The following KCNAB1 variants were observed in gnomAD, a reference collection of about 807,000 sequenced individuals.
KCNAB1 encodes the protein potassium voltage-gated channel subfamily A regulatory beta subunit 1, also known as voltage-gated potassium channel subunit beta-1.
In KCNAB1, 35 loss-of-function variants were observed where a neutral mutation model predicts 64.6. The ratio of observed to expected loss-of-function variants is 0.54; its 90% CI spans 0.41 to 0.72. The LOEUF is 0.72. Ranked by LOEUF, KCNAB1 falls within the 30% of genes least tolerant of loss-of-function variation. The probability of loss-of-function intolerance (pLI) is 0.00; values close to 1 mark genes in which losing one functional copy is unlikely to be tolerated. For synonymous variants in KCNAB1, 177 were observed against 183.8 expected (o/e 0.96, Z 0.30); for missense variants, 401 against 512.9 (o/e 0.78, Z 2.11).
At chr3:156,473,262 C>T (rs1018672108) in intron 7 of KCNAB1, among the ~76,000 whole-genome samples, 1 of 152,184 alleles carries the variant, frequency 6.6e-6, no homozygotes, top group East Asian at 1.9e-4. Context: ...AGGCCCACTG[C>T]AGACTAGAGA....
intron 11 of KCNAB1, among the ~76,000 whole-genome samples, chr3:156,517,141 C>G (rs559662158): frequency 1.3e-5 from 2 of 152,156 alleles, no homozygotes; most frequent in Non-Finnish European, 2.9e-5. Context: ...TCAGATAAAC[C>G]GGAGTCCTTC....
At chr3:156,170,518 T>A (rs1191140863) in intron 1 of KCNAB1, among the ~76,000 whole-genome samples, 1 of 152,174 alleles carries the variant, frequency 6.6e-6, no homozygotes, top group East Asian at 1.9e-4. Flanking sequence ...TGGGTTTTGG[T>A]GTGATAGATA....
intron 12 of KCNAB1, among the ~76,000 whole-genome samples, chr3:156,529,265 T>C (rs964630950): frequency 3.3e-5 from 5 of 152,174 alleles, no homozygotes; most frequent in Non-Finnish European, 5.9e-5. Context: ...TCCATTTAGA[T>C]GAAATGTCCA....
rs548517412 is a variant in KCNAB1 at position 156,316,423 on chromosome 3, A to G, written c.276-105193A>G. ...TCTAAGATCAAATCTTGACTCTAGCATTTACCAGCTGTGCAATCTTGGATG... is the reference window on the plus strand; with the variant it reads ...TCTAAGATCAAATCTTGACTCTAGCGTTTACCAGCTGTGCAATCTTGGATG... On this transcript the variant is annotated intron_variant, in intron 1 of 13. Coordinates refer to ENST00000490337, the MANE Select transcript of KCNAB1 (RefSeq NM_172160.3). Among the ~76,000 whole-genome samples, 206 of 152,354 alleles carry G rather than the reference A, an allele frequency of 1.4e-3. 2 individuals are homozygous for G. Among genetic ancestry groups the G allele is most frequent in the Non-Finnish European group, 1.3e-4 (9 of 68,036 alleles).
At chr3:156,500,993 C>T (rs1005259192) in intron 8 of KCNAB1, among the ~76,000 whole-genome samples, 1 of 152,204 alleles carries the variant, frequency 6.6e-6, no homozygotes, top group African/African-American at 2.4e-5. Flanking sequence ...ATAAGATAGC[C>T]TTCTAACCAG....
At position 156,351,943 on chromosome 3, in the gene KCNAB1, C is replaced by A. The variant is rs187719177; in HGVS notation, c.276-69673C>A. On this transcript the variant is annotated intron_variant, in intron 1 of 13. Coordinates refer to ENST00000490337, the MANE Select transcript of KCNAB1 (RefSeq NM_172160.3). ...TCCATGCAGGTCCATGCCGCCCTATCCCACCAGTGGGGCCTCCTCAGGCTG... is the reference window on the plus strand; with the variant it reads ...TCCATGCAGGTCCATGCCGCCCTATACCACCAGTGGGGCCTCCTCAGGCTG... Among the ~76,000 whole-genome samples the A allele has an allele frequency of 2.6e-5, 4 of 152,346 alleles. No homozygotes were observed. In the East Asian group the frequency reaches 7.7e-4, roughly 29 times the overall value.
In KCNAB1 at chr3:156,375,159, T is replaced by C. The variant is rs1711560140; in HGVS notation, c.276-46457T>C. Among the ~76,000 whole-genome samples, 2 of 135,972 alleles carry C rather than the reference T, an allele frequency of 1.5e-5. 1 individual carries two copies. Among genetic ancestry groups the C allele is most frequent in the African/African-American group, 6.6e-5 (2 of 30,428 alleles). The allele number at this position is 135,972 out of a possible 152,430, so 89.2% of individuals were successfully genotyped here. On this transcript the variant is annotated intron_variant, in intron 1 of 13. Transcript: ENST00000490337. ...ACAATTTCACATGCATTATCTCCTA[T>C]ATTCATAGTCCAACTTTCTTCAAAC...
At chr3:156,346,506 T>A (rs1337008051) in intron 1 of KCNAB1, among the ~76,000 whole-genome samples, 1 of 152,142 alleles carries the variant, frequency 6.6e-6, no homozygotes, top group African/African-American at 2.4e-5. Flanking sequence ...TGGCACCTGG[T>A]GGGAAGGGGC....
chr3:156,152,316 G>T (rs1715461891), intron 1 of KCNAB1, among the ~76,000 whole-genome samples: 1 of 152,210 alleles, frequency 6.6e-6, no homozygotes, highest in Non-Finnish European at 1.5e-5. Context: ...CACAGACACG[G>T]TTACCTCAGG....
intron 1 of KCNAB1, among the ~76,000 whole-genome samples, chr3:156,163,691 C>T (rs187574104): frequency 7.2e-5 from 11 of 152,278 alleles, no homozygotes; most frequent in Admixed American, 2.0e-4. Flanking sequence ...CTGAATCTTA[C>T]GATAAGAGAT....
intron 1 of KCNAB1, chr3:156,292,166 G>C (rs1336803611): frequency 7.5e-6 from 12 of 1,606,338 alleles, no homozygotes; most frequent in African/African-American, 1.3e-5. Context: ...GGGTATCCAG[G>C]TTCTATACAG....
At chr3:156,142,931 G>C in intron 1 of KCNAB1, 2 of 1,113,118 alleles carry the variant, frequency 1.8e-6, no homozygotes, top group Non-Finnish European at 2.2e-6. Flanking sequence ...AAAGGGATGA[G>C]AAAAGTGATT....
chr3:156,509,082 G>T (rs1717012606), intron 8 of KCNAB1, among the ~76,000 whole-genome samples: 1 of 151,826 alleles, frequency 6.6e-6, no homozygotes, highest in South Asian at 2.1e-4. Flanking sequence ...GGGGCGGAGG[G>T]GAAAGAGGGA....
intron 1 of KCNAB1, among the ~76,000 whole-genome samples, chr3:156,179,477 C>G (rs1412868796): frequency 8.2e-6 from 1 of 122,466 alleles, no homozygotes; most frequent in Admixed American, 1.0e-4. Flanking sequence ...GCTAATTGCT[C>G]GTTATTTCAC....
chr3:156,395,249 A>T (rs975537635), intron 1 of KCNAB1, among the ~76,000 whole-genome samples: 1 of 151,688 alleles, frequency 6.6e-6, no homozygotes, highest in Non-Finnish European at 1.5e-5. Context: ...CAGTCTCAAA[A>T]TCAGACATTG....
chr3:156,439,795 A>C (rs1377856169), intron 2 of KCNAB1, among the ~76,000 whole-genome samples: 1 of 152,212 alleles, frequency 6.6e-6, no homozygotes, highest in Non-Finnish European at 1.5e-5. Context: ...AATGGACGCC[A>C]TCAGTGCTTT....
chr3:156,184,151 A>G (rs1451968021), intron 1 of KCNAB1, among the ~76,000 whole-genome samples: 1 of 152,212 alleles, frequency 6.6e-6, no homozygotes, highest in Non-Finnish European at 1.5e-5. Flanking sequence ...TGTCCCTCAT[A>G]GGATCCAAGA....
intron 1 of KCNAB1, among the ~76,000 whole-genome samples, chr3:156,228,642 C>A (rs1310905687): frequency 6.6e-6 from 1 of 152,200 alleles, no homozygotes; most frequent in African/African-American, 2.4e-5. Context: ...CACTGAAAGG[C>A]TCCAAAGGTT....
intron 1 of KCNAB1, among the ~76,000 whole-genome samples, chr3:156,194,947 C>T (rs924542859): frequency 2.6e-5 from 4 of 152,012 alleles, no homozygotes; most frequent in African/African-American, 9.7e-5. Flanking sequence ...TCCCCCCACC[C>T]CCAACAGGCC....
Sources: gnomAD v4.1 joint callset for allele counts (sites outside exome capture counted in the v4.1 genomes callset) on GRCh38, gnomAD v4.1.1 for gene constraint, MANE v1.5 for transcripts, NCBI Gene and HGNC (gene_info 2026-07-23, HGNC 2026-07-21) for gene names.